The following GALNTL6 variants were observed in gnomAD, a reference collection of about 807,000 sequenced individuals.
GALNTL6 encodes the protein polypeptide N-acetylgalactosaminyltransferase like 6.
A neutral mutation model predicts 73.7 loss-of-function variants in GALNTL6; 46 were observed. The ratio of observed to expected loss-of-function variants is 0.62; its 90% confidence interval spans 0.49 to 0.80. The LOEUF is 0.80. Among genes scored for constraint, GALNTL6 ranks in the 30% least tolerant of loss-of-function variants. GALNTL6 has a pLI of 0.00. For synonymous variants in GALNTL6, 259 were observed against 263.7 expected (o/e 0.98, Z 0.17); for missense variants, 604 against 755.0 (o/e 0.80, Z 2.34).
At chr4:171,976,944 G>A (rs2111073673) in intron 2 of GALNTL6, among the ~76,000 whole-genome samples, 1 of 152,262 alleles carries the variant, frequency 6.6e-6, no homozygotes, top group East Asian at 1.9e-4. Context: ...CAAGTCAGAA[G>A]TATTCTATCA....
intron 5 of GALNTL6, among the ~76,000 whole-genome samples, chr4:172,497,553 G>T (rs1734106594): frequency 6.6e-6 from 1 of 152,220 alleles, no homozygotes; most frequent in Admixed American, 6.5e-5. Context: ...GTGACTTGAA[G>T]CATCAGAAGT....
chr4:172,888,637 C>T (rs1422399168), intron 8 of GALNTL6, among the ~76,000 whole-genome samples: 2 of 152,130 alleles, frequency 1.3e-5, no homozygotes, highest in Non-Finnish European at 2.9e-5. Context: ...CGTACCAGTA[C>T]CCTCCTGTTT....
At chr4:172,969,497 A>G (rs995681909) in intron 10 of GALNTL6, among the ~76,000 whole-genome samples, 1 of 152,254 alleles carries the variant, frequency 6.6e-6, no homozygotes, top group African/African-American at 2.4e-5. Flanking sequence ...GGGAAATCCA[A>G]CTAAGAACCA....
At chr4:172,167,781 A>G (rs979537536) in intron 2 of GALNTL6, among the ~76,000 whole-genome samples, 2 of 142,548 alleles carry the variant, frequency 1.4e-5, no homozygotes, top group Non-Finnish European at 3.0e-5. Flanking sequence ...ACAAGGTGAA[A>G]CCCCGTCTCT....
At chr4:172,467,261 G>T (rs1347068593) in intron 5 of GALNTL6, among the ~76,000 whole-genome samples, 1 of 152,186 alleles carries the variant, frequency 6.6e-6, no homozygotes, top group Non-Finnish European at 1.5e-5. Context: ...AAAACCACTA[G>T]CATGATTGAA....
chr4:173,029,141 T>C (rs1753352624), intron 12 of GALNTL6, among the ~76,000 whole-genome samples: 2 of 152,194 alleles, frequency 1.3e-5, no homozygotes, highest in African/African-American at 4.8e-5. Flanking sequence ...AAAGTGTATA[T>C]AACAAGTTTA....
chr4:172,774,070 A>G (rs572748869), intron 5 of GALNTL6, among the ~76,000 whole-genome samples: 8 of 152,328 alleles, frequency 5.3e-5, no homozygotes, highest in Non-Finnish European at 1.0e-4. Flanking sequence ...CTCTTTTGGT[A>G]TTCTGGTGTC....
At chr4:172,394,130 C>T (rs558133336) in intron 5 of GALNTL6, among the ~76,000 whole-genome samples, 7 of 152,118 alleles carry the variant, frequency 4.6e-5, no homozygotes, top group South Asian at 2.1e-4. Context: ...AGTTTCTTTA[C>T]ACCACAACTT....
chr4:172,738,705 C>G (rs917272668), intron 5 of GALNTL6, among the ~76,000 whole-genome samples: 1 of 152,106 alleles, frequency 6.6e-6, no homozygotes, highest in Admixed American at 6.6e-5. Flanking sequence ...CCTGAGAACA[C>G]GTGCCCAAGG....
intron 2 of GALNTL6, among the ~76,000 whole-genome samples, chr4:172,101,038 A>G (rs1181803357): frequency 1.3e-5 from 2 of 152,174 alleles, no homozygotes; most frequent in Non-Finnish European, 2.9e-5. Context: ...TGATAGGCTC[A>G]TTGGAAAACG....
At chr4:172,689,694 C>T (rs991345101) in intron 5 of GALNTL6, among the ~76,000 whole-genome samples, 5 of 152,146 alleles carry the variant, frequency 3.3e-5, no homozygotes, top group Non-Finnish European at 7.3e-5. Context: ...ACTGCTGATG[C>T]TTCTTGCCCT....
chr4:172,381,033 T>C (rs1033448654), intron 5 of GALNTL6, among the ~76,000 whole-genome samples: 2 of 152,240 alleles, frequency 1.3e-5, no homozygotes, highest in African/African-American at 4.8e-5. Context: ...AGCTGCCCTC[T>C]ATCAGGCAAG....
In GALNTL6 at chr4:172,563,335, T is replaced by C. The variant is rs549603913; in HGVS notation, c.553+214646T>C. Reference sequence around the variant, plus strand: ...CTGTTATTGCCTACAGGAGCCACGATATGAGGAGCCCAAAATGACCAACTG... The same window carrying C: ...CTGTTATTGCCTACAGGAGCCACGACATGAGGAGCCCAAAATGACCAACTG... On this transcript the variant is annotated intron_variant, in intron 5 of 12. Coordinates refer to ENST00000506823, the MANE Select transcript of GALNTL6 (RefSeq NM_001034845.3). Among the ~76,000 whole-genome samples, 16 of 146,146 alleles carry C rather than the reference T, an allele frequency of 1.1e-4. No homozygotes were observed. The East Asian group carries it at 2.8e-3, about 25-fold the overall frequency.
At chr4:172,523,427 C>T (rs1018658281) in intron 5 of GALNTL6, among the ~76,000 whole-genome samples, 22 of 152,046 alleles carry the variant, frequency 1.4e-4, no homozygotes, top group Admixed American at 1.3e-3. Flanking sequence ...TGCAGTGGCT[C>T]GATCTCGGCT....
intron 8 of GALNTL6, among the ~76,000 whole-genome samples, chr4:172,887,911 T>C (rs1745819615): frequency 6.6e-6 from 1 of 152,174 alleles, no homozygotes; most frequent in Non-Finnish European, 1.5e-5. Context: ...TGTGAGATGG[T>C]ATCTCATTGT....
At chr4:171,855,260 A>T (rs896052784) in intron 2 of GALNTL6, among the ~76,000 whole-genome samples, 8 of 151,966 alleles carry the variant, frequency 5.3e-5, no homozygotes, top group Non-Finnish European at 1.2e-4. Flanking sequence ...AATCTCCTGC[A>T]CTCCACCATT....
chr4:172,277,754 A>G (rs1456029343), intron 3 of GALNTL6, among the ~76,000 whole-genome samples: 1 of 152,188 alleles, frequency 6.6e-6, no homozygotes, highest in African/African-American at 2.4e-5. Context: ...TCTGAAAGTG[A>G]AAAAATGGAA....
chr4:172,583,985 T>G (rs1737308559), intron 5 of GALNTL6, among the ~76,000 whole-genome samples: 4 of 151,884 alleles, frequency 2.6e-5, no homozygotes, highest in Admixed American at 2.6e-4. Context: ...GGTTCAAAAT[T>G]CATTCACTCA....
At chr4:172,275,472 A>G (rs1249913670) in intron 3 of GALNTL6, among the ~76,000 whole-genome samples, 1 of 152,204 alleles carries the variant, frequency 6.6e-6, no homozygotes, top group Non-Finnish European at 1.5e-5. Flanking sequence ...TTCAGTTTCT[A>G]AGAATGAAAA....
Sources: allele counts gnomAD v4.1 joint callset (sites outside exome capture counted in the v4.1 genomes callset), GRCh38; gene constraint gnomAD v4.1.1; transcripts MANE v1.5; gene names NCBI Gene and HGNC (gene_info 2026-07-23, HGNC 2026-07-21).